RPS6KC1: variants seen among roughly 807,000 people sequenced by gnomAD.
RPS6KC1 encodes the protein inactive ribosomal protein S6 kinase delta-1.
Under a neutral mutation model 103.8 loss-of-function variants are expected in RPS6KC1, and 54 were observed. The observed-to-expected ratio is 0.52, with a 90% CI of 0.42 to 0.65. The LOEUF (loss-of-function observed/expected upper bound fraction) is 0.65, where lower values mean the gene tolerates loss of function less well. Among genes scored for constraint, RPS6KC1 ranks in the 30% least tolerant of loss-of-function variants. RPS6KC1 has a pLI of 0.00. For synonymous variants in RPS6KC1, 439 were observed against 438.7 expected (o/e 1.00, Z -0.01); for missense variants, 1,151 against 1,253.8 (o/e 0.92, Z 1.24).
chr1:213,245,684 T>C lies in RPS6KC1; in HGVS notation c.2911+3026T>C, dbSNP rs532114252. On this transcript the variant is annotated intron_variant, in intron 12 of 14. Coordinates refer to ENST00000366960, the MANE Select transcript of RPS6KC1 (RefSeq NM_012424.6). ...TTTCCAGTAACAGATTTGATTTGCA[T>C]GGACAGAAACTTGAGCAAATGCCAA... is the stretch of plus-strand genomic sequence containing the variant. Among the ~76,000 whole-genome samples, 77 of 152,236 alleles carry C rather than the reference T, an allele frequency of 5.1e-4. 4 individuals are homozygous for C. The highest frequency in any genetic ancestry group is 1.8e-4 in the Non-Finnish European group (12 of 68,014).
At chr1:213,612,513 G>A in the RPS6KC1 span, among the ~76,000 whole-genome samples, 1 of 152,128 alleles carries the variant, frequency 6.6e-6, no homozygotes, top group Non-Finnish European at 1.5e-5. Context: ...AGAGATTAAT[G>A]GCTACCTTCC....
chr1:213,172,159 G>A (rs2091521247), intron 7 of RPS6KC1, among the ~76,000 whole-genome samples: 1 of 152,100 alleles, frequency 6.6e-6, no homozygotes, highest in African/African-American at 2.4e-5. Flanking sequence ...ATCATCAGGT[G>A]GTGCACATAA....
At chr1:213,283,153 C>T in the RPS6KC1 span, among the ~76,000 whole-genome samples, 2 of 152,176 alleles carry the variant, frequency 1.3e-5, no homozygotes, top group Non-Finnish European at 2.9e-5. Flanking sequence ...CATCTCCCTT[C>T]CCAAACACAT....
At chr1:213,264,051 A>C (rs2094860524) in intron 14 of RPS6KC1, among the ~76,000 whole-genome samples, 1 of 152,226 alleles carries the variant, frequency 6.6e-6, no homozygotes, top group Non-Finnish European at 1.5e-5. Flanking sequence ...GAGATAAATA[A>C]AGGTATGGGT....
chr1:213,524,143 C>G, the RPS6KC1 span, among the ~76,000 whole-genome samples: 3 of 152,174 alleles, frequency 2.0e-5, no homozygotes, highest in African/African-American at 7.2e-5. Flanking sequence ...CTGCCCATAG[C>G]AGGTTGATGG....
chr1:213,250,531 A>T (rs1245838517), intron 12 of RPS6KC1, among the ~76,000 whole-genome samples: 1 of 152,198 alleles, frequency 6.6e-6, no homozygotes, highest in African/African-American at 2.4e-5. Context: ...CTAGGAAATG[A>T]AAATTCCAGG....
At chr1:213,341,039 G>A in the RPS6KC1 span, among the ~76,000 whole-genome samples, 15 of 152,180 alleles carry the variant, frequency 9.9e-5, no homozygotes, top group Non-Finnish European at 1.8e-4. Context: ...GTATCAAATG[G>A]GCATAATTGT....
At chr1:213,343,282 A>G in the RPS6KC1 span, among the ~76,000 whole-genome samples, 1 of 150,508 alleles carries the variant, frequency 6.6e-6, no homozygotes, top group Non-Finnish European at 1.5e-5. Context: ...AAACCAAGAA[A>G]TGTAACCTCC....
chr1:213,562,721 T>C, the RPS6KC1 span, among the ~76,000 whole-genome samples: 2 of 151,988 alleles, frequency 1.3e-5, no homozygotes, highest in Non-Finnish European at 2.9e-5. Context: ...TCAGGTGCAG[T>C]GGTGTAATGA....
the RPS6KC1 span, among the ~76,000 whole-genome samples, chr1:213,780,846 A>C: frequency 6.6e-6 from 1 of 152,156 alleles, no homozygotes; most frequent in African/African-American, 2.4e-5. Flanking sequence ...TAACATGGTG[A>C]AACCCATTTC....
the RPS6KC1 span, among the ~76,000 whole-genome samples, chr1:213,648,186 T>C: frequency 6.6e-6 from 1 of 152,200 alleles, no homozygotes; most frequent in East Asian, 1.9e-4. Context: ...ACAGGTGTTG[T>C]GGTGCTTCCC....
At chr1:213,602,056 C>T in the RPS6KC1 span, among the ~76,000 whole-genome samples, 3 of 56,384 alleles carry the variant, frequency 5.3e-5, no homozygotes, top group African/African-American at 8.7e-5. Context: ...TTCTTTCTTT[C>T]TCTTTCTTTC....
chr1:213,438,562 T>C, the RPS6KC1 span, among the ~76,000 whole-genome samples: 12 of 152,306 alleles, frequency 7.9e-5, no homozygotes, highest in East Asian at 1.2e-3. Flanking sequence ...AGGTGTCTAA[T>C]TGAGGCTGCT....
chr1:213,259,659 T>C (rs1454292543), intron 12 of RPS6KC1, among the ~76,000 whole-genome samples: 5 of 152,170 alleles, frequency 3.3e-5, no homozygotes, highest in Admixed American at 6.5e-5. Context: ...AAATTAGAAT[T>C]GTATTGTTTT....
the RPS6KC1 span, among the ~76,000 whole-genome samples, chr1:213,548,059 T>C: frequency 9.1e-4 from 139 of 152,276 alleles, 1 homozygote; most frequent in Middle Eastern, 0.017. Flanking sequence ...AAGTGTTAGG[T>C]TGATGCAAAA....
the RPS6KC1 span, among the ~76,000 whole-genome samples, chr1:213,300,573 G>A: frequency 1.3e-5 from 2 of 152,158 alleles, no homozygotes; most frequent in African/African-American, 2.4e-5. Flanking sequence ...GAAGCTCTTC[G>A]AGGTTGATTG....
At chr1:213,638,101 G>A in the RPS6KC1 span, among the ~76,000 whole-genome samples, 6 of 152,180 alleles carry the variant, frequency 3.9e-5, no homozygotes, top group South Asian at 8.3e-4. Context: ...TTACAGGTGT[G>A]AGCCACTGTT....
At chr1:213,117,633 A>G (rs924599750) in intron 5 of RPS6KC1, among the ~76,000 whole-genome samples, 5 of 151,622 alleles carry the variant, frequency 3.3e-5, no homozygotes, top group African/African-American at 7.3e-5. Context: ...TCATAGTGGT[A>G]TATAAAATAA....
the RPS6KC1 span, among the ~76,000 whole-genome samples, chr1:213,496,088 A>G: frequency 5.3e-5 from 8 of 152,184 alleles, no homozygotes. Context: ...CACACTGTTG[A>G]AAAAAACATA....
Sources: gnomAD v4.1 joint callset for allele counts (sites outside exome capture counted in the v4.1 genomes callset) on GRCh38, gnomAD v4.1.1 for gene constraint, MANE v1.5 for transcripts, NCBI Gene and HGNC (gene_info 2026-07-23, HGNC 2026-07-21) for gene names.